PSG11: variants seen among roughly 807,000 people sequenced by gnomAD.
The protein encoded by PSG11 is pregnancy specific beta-1-glycoprotein 11, also known as pregnancy-specific beta-1-glycoprotein 11.
Under a neutral mutation model 36.0 loss-of-function variants are expected in PSG11, and 42 were observed. The ratio of observed to expected loss-of-function variants is 1.17; its 90% CI spans 0.91 to 1.51. The LOEUF is 1.51. Ranked by LOEUF, PSG11 falls within the 40% of genes most tolerant of loss-of-function variation. The probability of loss-of-function intolerance (pLI) is 0.00; values close to 1 mark genes in which losing one functional copy is unlikely to be tolerated. For synonymous variants in PSG11, 206 were observed against 153.5 expected (o/e 1.34, Z -2.53); for missense variants, 558 against 403.5 (o/e 1.38, Z -3.28).
intron 2 of PSG11, among the ~76,000 whole-genome samples, chr19:43,021,088 A>G (rs4029164): frequency 0.66 from 100,383 of 150,956 alleles, 35,500 homozygotes; most frequent in East Asian, 0.99. Context: ...ACCTCCAACT[A>G]GTCCCCAAAA....
chr19:43,018,657 G>T lies in PSG11; in HGVS notation c.709+113C>A, dbSNP rs1050781357. 158 of 1,599,790 alleles carry T rather than the reference G, an allele frequency of 9.9e-5. 5 individuals are homozygous for T. The highest frequency in any genetic ancestry group is 1.3e-4 in the Non-Finnish European group (150 of 1,169,282). ...GCAGAAAGTCATGGCCAGCTTTGAT[G>T]TCCAGTGGTAAAGGTCTCTGTACTT... On this transcript the variant is annotated intron_variant, in intron 3 of 5. Transcript: ENST00000320078.
At position 43,009,393 on chromosome 19, in the gene PSG11, G is replaced by A. The variant is rs1396889988; in HGVS notation, c.*40+565C>T. On this transcript the variant is annotated intron_variant, in intron 5 of 5. Transcript: ENST00000320078. ...ATGTCTATATGGGTGAAGGGGCAGG[G>A]ATGTGTAGGAAGACAGTTCTAATTA... 2.0e-5 allele frequency among the ~76,000 whole-genome samples: 3 copies of A among 151,462 alleles called. No homozygotes were observed. The East Asian group carries it at 5.8e-4, about 29-fold the overall frequency.
chr19:43,017,054 G>A (rs564028949), intron 3 of PSG11, among the ~76,000 whole-genome samples: 1 of 151,514 alleles, frequency 6.6e-6, no homozygotes, highest in South Asian at 2.1e-4. Context: ...GGATTCCAGA[G>A]TGAATATGAG....
chr19:43,014,704 A>C (rs1410904694), intron 4 of PSG11: 27 of 1,196,022 alleles, frequency 2.3e-5, no homozygotes, highest in Admixed American at 4.0e-5. Flanking sequence ...TTTGGGGGAA[A>C]AGTGTGAGCT....
rs372924055 is a variant in PSG11, at chr19:43,024,848, A to G, written c.273T>C (p.Tyr91=). Residue 91 remains tyrosine (Y), a synonymous_variant, in exon 2 of 6, where the codon TAT becomes TAC. Coordinates refer to ENST00000320078, the MANE Select transcript of PSG11 (RefSeq NM_002785.3). ...SYVVDGQIII[Y]GPAYSGRETV... is the part of the protein sequence containing the mutation. ...TTTCTCGTCCACTGTATGCCGGTCC[A>G]TATATAATTATTTGACCGTCTACTA... 8.6e-5 allele frequency: 139 copies of G among 1,611,772 alleles called. 3 individuals are homozygous for G. Among genetic ancestry groups the G allele is most frequent in the Non-Finnish European group, 1.1e-4 (130 of 1,179,098 alleles).
At chr19:43,020,556 G>A (rs1188203992) in intron 2 of PSG11, among the ~76,000 whole-genome samples, 2 of 151,436 alleles carry the variant, frequency 1.3e-5, no homozygotes, top group Non-Finnish European at 2.9e-5. Flanking sequence ...TTTACTGATG[G>A]TCTAAACATC....
intron 2 of PSG11, among the ~76,000 whole-genome samples, chr19:43,020,765 C>T (rs1967084207): frequency 6.6e-6 from 1 of 150,870 alleles, no homozygotes; most frequent in African/African-American, 2.5e-5. Flanking sequence ...AGGAAGGATG[C>T]CAAATTAAAA....
In PSG11 at chr19:43,025,275, G is replaced by A. The variant is rs986929338; in HGVS notation, c.65-219C>T. 1.3e-5 allele frequency: 11 copies of A among 850,808 alleles called. No homozygotes were observed. The Admixed American group carries it at 1.5e-4, about 12-fold the overall frequency. The allele number at this position is 850,808 out of a possible 1,614,324, so 52.7% of individuals were successfully genotyped here. On this transcript the variant is annotated intron_variant, in intron 1 of 5. Coordinates refer to ENST00000320078, the MANE Select transcript of PSG11 (RefSeq NM_002785.3). ...CTGTCCTACTAGGTCAAGGTCAGCAGCATGACCCCCATTCCTTCAACACTT... is the reference window on the plus strand; with the variant it reads ...CTGTCCTACTAGGTCAAGGTCAGCAACATGACCCCCATTCCTTCAACACTT...
chr19:43,015,435 TA>T, intron 3 of PSG11, 65 bp from the exon 4 acceptor site: 10 of 1,530,706 alleles, frequency 6.5e-6, no homozygotes, highest in Non-Finnish European at 8.9e-6. Flanking sequence ...CCTTGTCTCT[TA>T]AAGGGACACA....
rs572643726 is a variant in PSG11, at chr19:43,021,640, C to T, written c.431-2592G>A. Among the ~76,000 whole-genome samples the T allele has an allele frequency of 6.6e-5, 10 of 151,522 alleles. No homozygotes were observed. In the East Asian group the frequency reaches 1.7e-3, roughly 26 times the overall value. Reference sequence around the variant, plus strand: ...CGATTATAGGCATCAGCCACTGTGCCCAGCCATCTCAAAGGGATTTTAATG... The same window carrying T: ...CGATTATAGGCATCAGCCACTGTGCTCAGCCATCTCAAAGGGATTTTAATG... On this transcript the variant is annotated intron_variant, in intron 2 of 5. Coordinates refer to ENST00000320078, the MANE Select transcript of PSG11 (RefSeq NM_002785.3).
Position 43,025,001 on chromosome 19 carries a change from G to A in PSG11, c.120C>T (p.Ala40=), listed in dbSNP as rs930209326. ...TCCCCTCGGACACTTTGGGTGGCTG[G>A]GCTTCAATCATGACTTGGGCAGTGG... ...LPTTAQVMIE[A]QPPKVSEGKD... The change falls in exon 2 of 6, where the codon GCC becomes GCT. Residue 40 remains alanine (A), a synonymous_variant. Coordinates refer to ENST00000320078, the MANE Select transcript of PSG11 (RefSeq NM_002785.3). The A allele has an allele frequency of 1.9e-6, 3 of 1,610,912 alleles. No individual in the cohort carries two copies. The African/African-American group carries it at 4.0e-5, about 22-fold the overall frequency.
chr19:43,012,176 A>C (rs1418840120), intron 4 of PSG11, among the ~76,000 whole-genome samples: 1 of 151,342 alleles, frequency 6.6e-6, no homozygotes, highest in East Asian at 1.9e-4. Flanking sequence ...TATGTGAAAA[A>C]CCCAATGCTA....
Position 43,020,036 on chromosome 19 carries a change from A to C in PSG11, c.431-988T>G, listed in dbSNP as rs1346963671. Reference sequence around the variant, plus strand: ...TGAGTTTGACTACTCTATGTACCTGATATCAGTGGATTCCAGAGTGAATCA... The same window carrying C: ...TGAGTTTGACTACTCTATGTACCTGCTATCAGTGGATTCCAGAGTGAATCA... On this transcript the variant is annotated intron_variant, in intron 2 of 5. Coordinates refer to ENST00000320078, the MANE Select transcript of PSG11 (RefSeq NM_002785.3). Among the ~76,000 whole-genome samples, 8 of 151,330 alleles carry C rather than the reference A, an allele frequency of 5.3e-5. No homozygotes were observed. The South Asian group carries it at 1.3e-3, about 24-fold the overall frequency.
At position 43,018,588 on chromosome 19, in the gene PSG11, C is replaced by T. The variant is rs760075982; in HGVS notation, c.709+182G>A. The stretch of plus-strand genomic sequence containing the variant: ...TCCCATGACAGGAGCAGCCTCTTTT[C>T]TCCCACTGTGGATCAAGCCTAGGCC... On this transcript the variant is annotated intron_variant, in intron 3 of 5. Coordinates refer to ENST00000320078, the MANE Select transcript of PSG11 (RefSeq NM_002785.3). 14 of 1,408,252 alleles carry T rather than the reference C, an allele frequency of 9.9e-6. 1 individual carries two copies. The highest frequency in any genetic ancestry group is 1.4e-5 in the Non-Finnish European group (14 of 1,024,158). The allele number at this position is 1,408,252 out of a possible 1,614,324, so 87.2% of individuals were successfully genotyped here.
intron 2 of PSG11, among the ~76,000 whole-genome samples, chr19:43,020,227 A>G (rs372718560): frequency 6.6e-6 from 1 of 151,452 alleles, no homozygotes; most frequent in Admixed American, 6.6e-5. Context: ...AAAGGTTAAA[A>G]CAAAGTGTTT....
Position 43,018,869 on chromosome 19 carries a change from G to T in PSG11, c.610C>A (p.Leu204Ile), listed in dbSNP as rs146008376. The change falls in exon 3 of 6, where the codon CTA (leucine) becomes ATA (isoleucine). Residue 204 changes from leucine to isoleucine, a missense_variant. Coordinates refer to ENST00000320078, the MANE Select transcript of PSG11 (RefSeq NM_002785.3). ...QLSETNRTLF[L>I]FGVTKYTAGP... is the part of the protein sequence containing the mutation. ...GCAGTATACTTTGTGACACCAAATAGAAAGAGGGTCCTGTTGGTTTCAGAC... is the reference window on the plus strand; with the variant it reads ...GCAGTATACTTTGTGACACCAAATATAAAGAGGGTCCTGTTGGTTTCAGAC... 8 of 1,612,112 alleles carry T rather than the reference G, an allele frequency of 5.0e-6. 1 individual carries two copies. The highest frequency in any genetic ancestry group is 2.7e-5 in the African/African-American group (2 of 74,538).
In PSG11 at chr19:43,019,863, G is replaced by A. The variant is rs1476686126; in HGVS notation, c.431-815C>T. 2.6e-5 allele frequency among the ~76,000 whole-genome samples: 4 copies of A among 151,702 alleles called. No individual in the cohort carries two copies. In the East Asian group the frequency reaches 7.8e-4, roughly 29 times the overall value. On this transcript the variant is annotated intron_variant, in intron 2 of 5. Transcript: ENST00000320078. ...GAAATACATGTGGATGTTTGCAAAT[G>A]CAGAACTGACTGGTGGAAAGGGCAA...
At position 43,013,675 on chromosome 19, in the gene PSG11, G is replaced by A. The variant is rs555480860; in HGVS notation, c.964+1441C>T. On this transcript the variant is annotated intron_variant, in intron 4 of 5. Transcript: ENST00000320078. ...TGGAGCTCTAGTGCATTGCTGATGG[G>A]AATGGGAAATGTTACAGCCACTGTA... Among the ~76,000 whole-genome samples, 19 of 151,518 alleles carry A rather than the reference G, an allele frequency of 1.3e-4. 1 individual carries two copies. In the South Asian group the frequency reaches 3.6e-3, roughly 28 times the overall value.
intron 1 of PSG11, among the ~76,000 whole-genome samples, chr19:43,025,581 T>C (rs113976082): frequency 0.016 from 2,449 of 150,870 alleles, 118 homozygotes; most frequent in East Asian, 0.1. Context: ...TGATCTTGGT[T>C]GCACCCCAGT....
Sources: gnomAD v4.1 joint callset for allele counts (sites outside exome capture counted in the v4.1 genomes callset) on GRCh38, gnomAD v4.1.1 for gene constraint, MANE v1.5 for transcripts, NCBI Gene and HGNC (gene_info 2026-07-23, HGNC 2026-07-21) for gene names.